The following ACBD6 variants were observed in gnomAD, a reference collection of about 807,000 sequenced individuals.
ACBD6 encodes acyl-CoA-binding domain-containing protein 6.
Under a neutral mutation model 37.2 loss-of-function variants are expected in ACBD6, and 28 were observed. The ratio of observed to expected loss-of-function variants is 0.75; its 90% CI spans 0.56 to 1.03. ACBD6 has a LOEUF of 1.03. Ranked by LOEUF, ACBD6 falls within the 50% of genes least tolerant of loss-of-function variation. The pLI is 0.00. For synonymous variants in ACBD6, 113 were observed against 126.8 expected (o/e 0.89, Z 0.73); for missense variants, 340 against 337.4 (o/e 1.01, Z -0.06).
chr1:180,411,236 T>C (rs72714872), intron 5 of ACBD6, among the ~76,000 whole-genome samples: 6,847 of 152,306 alleles, frequency 0.045, 229 homozygotes, highest in South Asian at 0.089. Flanking sequence ...GTTGTGAACA[T>C]TGTTGAAATA....
chr1:180,411,321 T>C (rs1294238969), intron 5 of ACBD6, among the ~76,000 whole-genome samples: 1 of 152,214 alleles, frequency 6.6e-6, no homozygotes, highest in Admixed American at 6.5e-5. Context: ...TTGACTACAA[T>C]TTTGAAAGAA....
chr1:180,274,781 C>A, exon 10 of ACBD6: 1 of 605,484 alleles, frequency 1.7e-6, no homozygotes, highest in Non-Finnish European at 2.8e-6. Flanking sequence ...AGAGCAGACT[C>A]ATCTCAGAAC....
chr1:180,422,127 A>C (rs1378706184), intron 4 of ACBD6, among the ~76,000 whole-genome samples: 3 of 152,238 alleles, frequency 2.0e-5, no homozygotes, highest in African/African-American at 7.2e-5. Context: ...ATATGAGATT[A>C]AAAGATATTG....
intron 3 of ACBD6, among the ~76,000 whole-genome samples, chr1:180,441,931 G>A (rs1649296580): frequency 6.6e-6 from 1 of 152,130 alleles, no homozygotes; most frequent in Non-Finnish European, 1.5e-5. Flanking sequence ...AACAGGAGTG[G>A]TGAAAGCAAG....
intron 6 of ACBD6, among the ~76,000 whole-genome samples, chr1:180,369,677 G>C (rs1358551828): frequency 2.6e-5 from 4 of 152,138 alleles, no homozygotes; most frequent in African/African-American, 9.7e-5. Flanking sequence ...ACAGTTGCAT[G>C]AAACAAAATC....
chr1:180,482,121 ATC>A (rs1477177580), intron 3 of ACBD6, among the ~76,000 whole-genome samples: 1 of 152,174 alleles, frequency 6.6e-6, no homozygotes, highest in East Asian at 1.9e-4. Flanking sequence ...TCAAAAACAA[ATC>A]TGTTTAGTTA....
At chr1:180,320,735 A>C (rs922854422) in intron 6 of ACBD6, among the ~76,000 whole-genome samples, 4 of 152,072 alleles carry the variant, frequency 2.6e-5, no homozygotes, top group African/African-American at 9.7e-5. Context: ...ATTTTCTCCC[A>C]TTCTGTGGGT....
chr1:180,393,343 A>G (rs1216406408), intron 6 of ACBD6, among the ~76,000 whole-genome samples: 2 of 152,210 alleles, frequency 1.3e-5, no homozygotes, highest in African/African-American at 2.4e-5. Context: ...ACTGAAGGGT[A>G]AAAAATGACA....
chr1:180,307,410 A>G (rs2149287403), intron 7 of ACBD6, among the ~76,000 whole-genome samples: 1 of 150,546 alleles, frequency 6.6e-6, no homozygotes, highest in South Asian at 2.1e-4. Context: ...TGGGTACAAA[A>G]AAATTGTTAC....
chr1:180,383,555 C>T (rs1653738893), intron 6 of ACBD6, among the ~76,000 whole-genome samples: 1 of 152,066 alleles, frequency 6.6e-6, no homozygotes, highest in South Asian at 2.1e-4. Flanking sequence ...ACATGCCATG[C>T]TCATGAGTTA....
chr1:180,356,560 T>C (rs965841272), intron 6 of ACBD6, among the ~76,000 whole-genome samples: 1 of 151,808 alleles, frequency 6.6e-6, no homozygotes, highest in Non-Finnish European at 1.5e-5. Flanking sequence ...TGAAAATAGA[T>C]TGTTGGCTGG....
intron 6 of ACBD6, among the ~76,000 whole-genome samples, chr1:180,391,454 TAAAG>T (rs1183878706): frequency 1.3e-5 from 2 of 152,034 alleles, no homozygotes; most frequent in African/African-American, 4.8e-5. Flanking sequence ...AACTCAATAA[TAAAG>T]AGACAAATAA....
At chr1:180,420,608 T>C (rs1571487295) in intron 4 of ACBD6, among the ~76,000 whole-genome samples, 1 of 152,132 alleles carries the variant, frequency 6.6e-6, no homozygotes, top group Non-Finnish European at 1.5e-5. Flanking sequence ...AATTTCTGAG[T>C]GGCTGGAGAA....
chr1:180,295,114 A>G (rs1351802910), intron 7 of ACBD6, among the ~76,000 whole-genome samples: 1 of 152,008 alleles, frequency 6.6e-6, no homozygotes, highest in Admixed American at 6.6e-5. Flanking sequence ...TTCTATTTCA[A>G]TGATTTCTGC....
At chr1:180,352,583 C>T (rs17300340) in intron 6 of ACBD6, among the ~76,000 whole-genome samples, 22,711 of 152,104 alleles carry the variant, frequency 0.15, 1,830 homozygotes, top group Middle Eastern at 0.22. Flanking sequence ...CCTTAAAAAG[C>T]AGATGGCATT....
At chr1:180,414,677 G>T (rs997193163) in intron 4 of ACBD6, among the ~76,000 whole-genome samples, 1 of 152,154 alleles carries the variant, frequency 6.6e-6, no homozygotes, top group South Asian at 2.1e-4. Context: ...TTAACATAAG[G>T]TAAAAGCTGG....
chr1:180,428,427 T>C (rs1372309789), intron 4 of ACBD6, among the ~76,000 whole-genome samples: 1 of 152,228 alleles, frequency 6.6e-6, no homozygotes, highest in East Asian at 1.9e-4. Flanking sequence ...ATAAACTGTA[T>C]TATTCTTTGT....
intron 3 of ACBD6, among the ~76,000 whole-genome samples, chr1:180,461,340 C>T (rs1254628116): frequency 6.6e-6 from 1 of 152,142 alleles, no homozygotes; most frequent in African/African-American, 2.4e-5. Context: ...AGGATATCAT[C>T]CTTGAGAACT....
chr1:180,342,342 G>A (rs1170373500), intron 6 of ACBD6, among the ~76,000 whole-genome samples: 1 of 152,100 alleles, frequency 6.6e-6, no homozygotes, highest in Non-Finnish European at 1.5e-5. Context: ...ATGCGTCTAA[G>A]CACTTTGATA....
Sources: allele counts gnomAD v4.1 joint callset (sites outside exome capture counted in the v4.1 genomes callset), GRCh38; gene constraint gnomAD v4.1.1; transcripts MANE v1.5; gene names NCBI Gene and HGNC (gene_info 2026-07-23, HGNC 2026-07-21).